TENM2: variants seen among roughly 807,000 people sequenced by gnomAD.
TENM2 encodes the protein teneurin transmembrane protein 2.
A neutral mutation model predicts 245.2 loss-of-function variants in TENM2; 52 were observed. That is an observed-to-expected ratio of 0.21 (90% CI 0.17 to 0.27). The LOEUF (loss-of-function observed/expected upper bound fraction) is 0.27. Ranked by LOEUF, TENM2 falls within the 10% of genes least tolerant of loss-of-function variation. The probability of loss-of-function intolerance (pLI) is 1.00; values close to 1 mark genes in which losing one functional copy is unlikely to be tolerated. For missense variants in TENM2, 3,046 were observed against 3,666.8 expected, an observed-to-expected ratio of 0.83 and a Z score of 4.37; for synonymous variants, 1,363 against 1,438.9, an observed-to-expected ratio of 0.95 and a Z score of 1.19.
At chr5:167,894,086 A>C (rs1446813918) in intron 3 of TENM2, among the ~76,000 whole-genome samples, 1 of 152,228 alleles carries the variant, frequency 6.6e-6, no homozygotes, top group Non-Finnish European at 1.5e-5. Context: ...GAAGTTTAAT[A>C]GACGATCAAT....
chr5:167,966,193 C>T (rs1424736667), intron 4 of TENM2, among the ~76,000 whole-genome samples: 6 of 152,086 alleles, frequency 3.9e-5, no homozygotes, highest in East Asian at 3.9e-4. Flanking sequence ...ATATGATTTA[C>T]GGGGAGAGGT....
intron 3 of TENM2, among the ~76,000 whole-genome samples, chr5:167,917,671 T>C (rs900229019): frequency 8.5e-5 from 13 of 152,112 alleles, no homozygotes; most frequent in Non-Finnish European, 1.3e-4. Context: ...TGTAAAGCAC[T>C]TCTCCCTGTA....
At chr5:167,951,270 G>T (rs987541954) in intron 3 of TENM2, among the ~76,000 whole-genome samples, 1 of 152,210 alleles carries the variant, frequency 6.6e-6, no homozygotes, top group African/African-American at 2.4e-5. Flanking sequence ...AGCCAGGACA[G>T]CAGGGGCTGA....
intron 1 of TENM2, among the ~76,000 whole-genome samples, chr5:167,308,874 C>T (rs1002234646): frequency 4.6e-5 from 7 of 152,252 alleles, no homozygotes; most frequent in Non-Finnish European, 7.4e-5. Context: ...ACGTTGGAGA[C>T]GAACAAAGGG....
At chr5:167,930,453 T>TTTTA (rs142148292) in intron 3 of TENM2, among the ~76,000 whole-genome samples, 18,245 of 148,146 alleles carry the variant, frequency 0.12, 1,269 homozygotes, top group Admixed American at 0.18. Context: ...TTTCTTAGAA[T>TTTTA]TTTATTTATT....
chr5:168,144,406 C>T (rs1000137239), intron 12 of TENM2, among the ~76,000 whole-genome samples: 1 of 152,012 alleles, frequency 6.6e-6, no homozygotes, highest in South Asian at 2.1e-4. Flanking sequence ...GTTCAATTCC[C>T]ACCTGTAAGT....
the TENM2 span, among the ~76,000 whole-genome samples, chr5:166,988,443 A>G: frequency 6.6e-6 from 1 of 152,314 alleles, no homozygotes; most frequent in African/African-American, 2.4e-5. Flanking sequence ...CTTTTTGATG[A>G]GGGACTATTA....
chr5:167,526,438 G>T (rs1435769709), intron 2 of TENM2, among the ~76,000 whole-genome samples: 1 of 150,870 alleles, frequency 6.6e-6, no homozygotes, highest in Non-Finnish European at 1.5e-5. Flanking sequence ...TAACAGTGGG[G>T]TAATGAGAAT....
rs541273867 is a variant in TENM2, at chr5:167,486,185, T to G, written c.502+110712T>G. On this transcript the variant is annotated intron_variant, in intron 2 of 28. Coordinates refer to ENST00000518659, the Ensembl canonical transcript of TENM2. ...CTCAAAGATTGAATAAACATAAGCA[T>G]ACATAGAACATCTGCCATACTCCAG... 9.2e-5 allele frequency among the ~76,000 whole-genome samples: 14 copies of G among 152,292 alleles called. No individual in the cohort carries two copies. The South Asian group carries it at 2.7e-3, about 29-fold the overall frequency.
chr5:167,451,591 T>C (rs962746069), intron 2 of TENM2, among the ~76,000 whole-genome samples: 2 of 152,154 alleles, frequency 1.3e-5, no homozygotes, highest in Admixed American at 6.5e-5. Flanking sequence ...CCGAGACCTC[T>C]GGGATGACGT....
chr5:167,850,411 G>A lies in TENM2; in HGVS notation c.503-25575G>A, dbSNP rs144703154. Among the ~76,000 whole-genome samples, 26 of 152,292 alleles carry A rather than the reference G, an allele frequency of 1.7e-4. No homozygotes were observed. In the East Asian group the frequency reaches 4.6e-3, roughly 27 times the overall value. ...CCCTGTGAGGCTGTGGCAGAGTGGA[G>A]TTAGGGGATTCATTAAGGAAGGGGA... On this transcript the variant is annotated intron_variant, in intron 2 of 28. Transcript: ENST00000518659.
chr5:167,642,385 A>T (rs1190277963), intron 2 of TENM2, among the ~76,000 whole-genome samples: 2 of 152,162 alleles, frequency 1.3e-5, no homozygotes, highest in African/African-American at 4.8e-5. Flanking sequence ...TATTTACAAA[A>T]TGAGCCCTGT....
chr5:168,071,870 A>ACTT (rs1268951237), intron 7 of TENM2, among the ~76,000 whole-genome samples: 3 of 152,068 alleles, frequency 2.0e-5, no homozygotes, highest in African/African-American at 7.2e-5. Flanking sequence ...AGGGGTGGGG[A>ACTT]CTTTTATTAT....
intron 2 of TENM2, among the ~76,000 whole-genome samples, chr5:167,792,886 G>A (rs1205527321): frequency 6.6e-6 from 1 of 152,180 alleles, no homozygotes; most frequent in Non-Finnish European, 1.5e-5. Flanking sequence ...GCAGGAGCCT[G>A]CCCCTCTGAG....
chr5:168,112,615 G>GGGGT (rs201538328), intron 9 of TENM2, among the ~76,000 whole-genome samples: 2 of 112,938 alleles, frequency 1.8e-5, no homozygotes, highest in East Asian at 2.5e-4. Flanking sequence ...GCGGGGGGGG[G>GGGGT]GTCAAACTTT....
At chr5:168,122,193 T>TTTTG (rs1795514984) in intron 10 of TENM2, among the ~76,000 whole-genome samples, 6 of 130,270 alleles carry the variant, frequency 4.6e-5, no homozygotes, top group Non-Finnish European at 8.4e-5. Flanking sequence ...GTTTTGTTTT[T>TTTTG]TGAGACGGAG....
rs111870086 is a variant in TENM2, at chr5:167,528,121, G to T, written c.502+152648G>T. Among the ~76,000 whole-genome samples, 431 of 152,218 alleles carry T rather than the reference G, an allele frequency of 2.8e-3. 1 individual carries two copies. The highest frequency in any genetic ancestry group is 0.01 in the African/African-American group (417 of 41,544). On this transcript the variant is annotated intron_variant, in intron 2 of 28. Transcript: ENST00000518659. Reference sequence around the variant, plus strand: ...TTTAAGATAAATTTTAATTATTAAAGTGTCCAGTGAAAGCCTGACGATTTG... The same window carrying T: ...TTTAAGATAAATTTTAATTATTAAATTGTCCAGTGAAAGCCTGACGATTTG...
intron 2 of TENM2, among the ~76,000 whole-genome samples, chr5:167,762,955 T>G (rs1323358224): frequency 1.3e-5 from 2 of 152,232 alleles, no homozygotes; most frequent in South Asian, 4.1e-4. Context: ...AGACTTTTTT[T>G]CCCACCCTTT....
chr5:167,828,062 T>G (rs1768135684), intron 2 of TENM2, among the ~76,000 whole-genome samples: 1 of 152,222 alleles, frequency 6.6e-6, no homozygotes, highest in South Asian at 2.1e-4. Flanking sequence ...TGCAACCACT[T>G]CAATAGCACT....
Sources: allele counts gnomAD v4.1 joint callset (sites outside exome capture counted in the v4.1 genomes callset), GRCh38; gene constraint gnomAD v4.1.1; transcripts MANE v1.5; gene names NCBI Gene and HGNC (gene_info 2026-07-23, HGNC 2026-07-21).